PSMA1: variants seen among roughly 807,000 people sequenced by gnomAD.
The protein encoded by PSMA1 is proteasome 20S subunit alpha 1.
A neutral mutation model predicts 38.4 loss-of-function variants in PSMA1; 3 were observed. The observed-to-expected ratio is 0.08, with a 90% CI of 0.04 to 0.20. The LOEUF is 0.20. PSMA1 is among the 10% of genes least tolerant of loss of function. The pLI, the probability that PSMA1 is intolerant of heterozygous loss-of-function variation, is 1.00. For synonymous variants in PSMA1, 101 were observed against 107.1 expected (o/e 0.94, Z 0.35); for missense variants, 227 against 325.3 (o/e 0.70, Z 2.32).
At chr11:14,517,306 G>A (rs1015819994) in intron 4 of PSMA1, among the ~76,000 whole-genome samples, 2 of 152,156 alleles carry the variant, frequency 1.3e-5, no homozygotes, top group Non-Finnish European at 2.9e-5. Flanking sequence ...CAAGCACAAA[G>A]AAAACAAGTG....
At chr11:14,508,321 T>C (rs1303307108) in intron 8 of PSMA1, among the ~76,000 whole-genome samples, 1 of 152,052 alleles carries the variant, frequency 6.6e-6, no homozygotes, top group Non-Finnish European at 1.5e-5. Context: ...ATCCACTCTT[T>C]CCTGTACCTA....
At chr11:14,562,220 A>G (rs1359594185) in intron 2 of PSMA1, among the ~76,000 whole-genome samples, 1 of 152,202 alleles carries the variant, frequency 6.6e-6, no homozygotes, top group African/African-American at 2.4e-5. Context: ...AATTCTTGAG[A>G]TATGAAGAGA....
At chr11:14,536,014 G>A (rs932840571) in intron 2 of PSMA1, among the ~76,000 whole-genome samples, 12 of 151,996 alleles carry the variant, frequency 7.9e-5, no homozygotes, top group Non-Finnish European at 2.9e-5. Context: ...CACAAGTAGG[G>A]CTTTTATATA....
At chr11:14,532,018 C>T (rs1453982215) in intron 2 of PSMA1, among the ~76,000 whole-genome samples, 1 of 152,034 alleles carries the variant, frequency 6.6e-6, no homozygotes, top group East Asian at 1.9e-4. Flanking sequence ...TTCAGTTACC[C>T]CTTTGGAGAG....
At chr11:14,589,363 A>ATGTG (rs1169510115) in intron 2 of PSMA1, among the ~76,000 whole-genome samples, 48 of 127,368 alleles carry the variant, frequency 3.8e-4, no homozygotes, top group African/African-American at 6.6e-4. Flanking sequence ...ATATATATAT[A>ATGTG]TATGTGTGTG....
chr11:14,560,733 T>C (rs1851998836), intron 2 of PSMA1, among the ~76,000 whole-genome samples: 1 of 152,230 alleles, frequency 6.6e-6, no homozygotes, highest in African/African-American at 2.4e-5. Context: ...ATGGTAGATT[T>C]AGAGTGTATG....
intron 1 of PSMA1, among the ~76,000 whole-genome samples, chr11:14,627,212 T>C (rs1459670137): frequency 1.3e-5 from 2 of 152,186 alleles, no homozygotes; most frequent in African/African-American, 4.8e-5. Context: ...AATTCAAATT[T>C]TGAATGAACA....
chr11:14,581,522 T>C (rs1467530588), intron 2 of PSMA1, among the ~76,000 whole-genome samples: 1 of 151,956 alleles, frequency 6.6e-6, no homozygotes, highest in Non-Finnish European at 1.5e-5. Flanking sequence ...TTAATAAGAG[T>C]GATCAGTAAG....
intron 2 of PSMA1, among the ~76,000 whole-genome samples, chr11:14,582,904 C>A (rs952157493): frequency 6.6e-5 from 10 of 152,206 alleles, no homozygotes; most frequent in Non-Finnish European, 1.0e-4. Flanking sequence ...TAACTCTGCT[C>A]AGTCCACCAC....
At chr11:14,587,854 A>G (rs1213639964) in intron 2 of PSMA1, among the ~76,000 whole-genome samples, 2 of 152,144 alleles carry the variant, frequency 1.3e-5, no homozygotes, top group Non-Finnish European at 2.9e-5. Flanking sequence ...ATTGATTTAT[A>G]TACTCCCTGA....
intron 2 of PSMA1, among the ~76,000 whole-genome samples, chr11:14,555,609 T>C (rs1242388409): frequency 1.3e-5 from 2 of 152,186 alleles, no homozygotes; most frequent in African/African-American, 4.8e-5. Flanking sequence ...TCTTTAGCCA[T>C]TTCTTCTGGT....
intron 2 of PSMA1, among the ~76,000 whole-genome samples, chr11:14,578,487 A>G (rs1852246061): frequency 6.6e-6 from 1 of 152,230 alleles, no homozygotes; most frequent in Non-Finnish European, 1.5e-5. Flanking sequence ...ATTTAATCCA[A>G]TAGCTAGGAA....
upstream of PSMA1, among the ~76,000 whole-genome samples, chr11:14,521,765 C>CAAAA (rs367961519): frequency 6.5e-5 from 7 of 107,916 alleles, 1 homozygote; most frequent in African/African-American, 1.9e-4. Flanking sequence ...GACTCCATCT[C>CAAAA]AAAAAAAAAA....
At chr11:14,571,223 C>T (rs1031875129) in intron 2 of PSMA1, among the ~76,000 whole-genome samples, 84 of 152,240 alleles carry the variant, frequency 5.5e-4, no homozygotes, top group Middle Eastern at 6.8e-3. Flanking sequence ...CCACCACGCC[C>T]GGCTAATTTT....
chr11:14,611,635 T>G (rs1392981532), intron 1 of PSMA1, among the ~76,000 whole-genome samples: 1 of 152,202 alleles, frequency 6.6e-6, no homozygotes, highest in Non-Finnish European at 1.5e-5. Flanking sequence ...TCTTGACAAA[T>G]GAATACAATT....
At chr11:14,596,706 T>G (rs959600270) in intron 2 of PSMA1, among the ~76,000 whole-genome samples, 3 of 152,206 alleles carry the variant, frequency 2.0e-5, no homozygotes, top group African/African-American at 4.8e-5. Context: ...ACAATTTGAC[T>G]TCCTCATTTC....
At chr11:14,607,014 T>G (rs1485008292) in intron 2 of PSMA1, among the ~76,000 whole-genome samples, 4 of 152,158 alleles carry the variant, frequency 2.6e-5, no homozygotes, top group Non-Finnish European at 5.9e-5. Flanking sequence ...AGGAACAGAA[T>G]AGAGTGCATA....
At chr11:14,588,517 A>G (rs1852375599) in intron 2 of PSMA1, among the ~76,000 whole-genome samples, 1 of 152,136 alleles carries the variant, frequency 6.6e-6, no homozygotes, top group Non-Finnish European at 1.5e-5. Context: ...GAAAGAAAAA[A>G]CAGAGTTTGG....
intron 2 of PSMA1, among the ~76,000 whole-genome samples, chr11:14,564,520 G>C (rs990375983): frequency 1.5e-4 from 23 of 152,038 alleles, no homozygotes; most frequent in African/African-American, 5.6e-4. Context: ...ACAGATTTTT[G>C]TGTGAATGTA....
Sources: gnomAD v4.1 joint callset for allele counts (sites outside exome capture counted in the v4.1 genomes callset) on GRCh38, gnomAD v4.1.1 for gene constraint, MANE v1.5 for transcripts, NCBI Gene and HGNC (gene_info 2026-07-23, HGNC 2026-07-21) for gene names.